The following MARK3 variants were observed in gnomAD, a reference collection of about 807,000 sequenced individuals.
The protein encoded by MARK3 is microtubule affinity regulating kinase 3.
A neutral mutation model predicts 90.1 loss-of-function variants in MARK3; 46 were observed. The observed-to-expected ratio is 0.51, with a 90% CI of 0.40 to 0.65. MARK3 has a LOEUF of 0.65. MARK3 is among the 30% of genes least tolerant of loss of function. The pLI is 0.00. For missense variants in MARK3, 818 were observed against 947.2 expected (o/e 0.86, Z 1.79); for synonymous variants, 321 against 332.6 (o/e 0.97, Z 0.38).
At chr14:103,450,876 GT>G (rs2093121949) in intron 4 of MARK3, among the ~76,000 whole-genome samples, 1 of 860 alleles carries the variant, frequency 1.2e-3, no homozygotes, top group Non-Finnish European at 6.9e-3. Flanking sequence ...CATTTTTAAA[GT>G]GTGTGTGTGT....
chr14:103,462,890 G>A (rs1466350769), intron 7 of MARK3, among the ~76,000 whole-genome samples: 3 of 152,072 alleles, frequency 2.0e-5, no homozygotes, highest in Non-Finnish European at 4.4e-5. Flanking sequence ...GTTTCGTATC[G>A]CACAGAGAAA....
Position 103,396,883 on chromosome 14 carries a change from C to A in MARK3, c.52-8193C>A, listed in dbSNP as rs116039764. ...TAGCAACTAGCCACATGTGGGGCTACCAAGCACTTGAAACGTGGTTAGTTT... is the reference window on the plus strand; with the variant it reads ...TAGCAACTAGCCACATGTGGGGCTAACAAGCACTTGAAACGTGGTTAGTTT... On this transcript the variant is annotated intron_variant, in intron 1 of 17. Transcript: ENST00000429436. 9.1e-4 allele frequency among the ~76,000 whole-genome samples: 139 copies of A among 152,168 alleles called. 2 individuals carry two copies. Among genetic ancestry groups the A allele is most frequent in the African/African-American group, 3.3e-3 (138 of 41,508 alleles).
intron 3 of MARK3, among the ~76,000 whole-genome samples, chr14:103,438,532 A>T (rs1346498800): frequency 6.6e-6 from 1 of 152,250 alleles, no homozygotes; most frequent in Non-Finnish European, 1.5e-5. Flanking sequence ...TGCATGTGGT[A>T]GATACCTAGT....
chr14:103,450,915 TGTATTC>T (rs2093126327), intron 4 of MARK3, among the ~76,000 whole-genome samples: 1 of 110,516 alleles, frequency 9.0e-6, no homozygotes, highest in Non-Finnish European at 1.8e-5. Context: ...TGTGTGTGTG[TGTATTC>T]TTTTTTTTTT....
rs944565676 is a variant in MARK3, at chr14:103,488,339, T to G, written c.1587-3438T>G. On this transcript the variant is annotated intron_variant, in intron 14 of 17. Coordinates refer to ENST00000429436, the MANE Select transcript of MARK3 (RefSeq NM_001128918.3). The stretch of plus-strand genomic sequence containing the variant: ...AACTTCTTCCCACACACAGCTGTGC[T>G]CAAGCAGAAGCCCTCAGGTGGTCTC... Among the ~76,000 whole-genome samples, 97 of 152,220 alleles carry G rather than the reference T, an allele frequency of 6.4e-4. 1 individual carries two copies. Among genetic ancestry groups the G allele is most frequent in the Non-Finnish European group, 4.1e-4 (28 of 68,028 alleles).
chr14:103,498,404 GTT>G, intron 15 of MARK3, 96 bp from the exon 16 acceptor site: 1 of 860,140 alleles, frequency 1.2e-6, no homozygotes, highest in South Asian at 2.4e-5. Context: ...ACCCTGCTTT[GTT>G]TTTTTTCTTT....
chr14:103,449,913 G>A (rs1179636426), intron 4 of MARK3, among the ~76,000 whole-genome samples: 1 of 151,638 alleles, frequency 6.6e-6, no homozygotes, highest in East Asian at 2.0e-4. Context: ...TTGATGTTTA[G>A]TATCAAGGAT....
intron 5 of MARK3, among the ~76,000 whole-genome samples, chr14:103,456,105 A>G (rs1179473770): frequency 1.3e-5 from 2 of 152,144 alleles, no homozygotes; most frequent in Non-Finnish European, 2.9e-5. Context: ...TGTTGTGTAA[A>G]CTGCCACCTA....
intron 3 of MARK3, among the ~76,000 whole-genome samples, chr14:103,435,799 G>A (rs2092702273): frequency 6.6e-6 from 1 of 152,124 alleles, no homozygotes; most frequent in Non-Finnish European, 1.5e-5. Flanking sequence ...GCTCACTGCA[G>A]CCTGGAATTC....
intron 14 of MARK3, among the ~76,000 whole-genome samples, chr14:103,484,206 C>T (rs976510791): frequency 1.4e-5 from 2 of 146,680 alleles, no homozygotes; most frequent in Non-Finnish European, 3.0e-5. Context: ...GCGATGGAGT[C>T]TCGCTCTTTT....
At chr14:103,439,590 G>C (rs903258407) in intron 3 of MARK3, among the ~76,000 whole-genome samples, 11 of 151,942 alleles carry the variant, frequency 7.2e-5, no homozygotes, top group African/African-American at 2.7e-4. Context: ...TGTATTTTTA[G>C]TAGAGACCAG....
At chr14:103,447,472 C>T (rs559393475) in intron 3 of MARK3, among the ~76,000 whole-genome samples, 2 of 152,134 alleles carry the variant, frequency 1.3e-5, no homozygotes, top group Non-Finnish European at 2.9e-5. Context: ...AAGGTTTTTC[C>T]CCGCTTTTGC....
At chr14:103,386,161 T>TC in intron 1 of MARK3, 81 bp downstream of exon 1, 6 of 1,342,934 alleles carry the variant, frequency 4.5e-6, no homozygotes, top group Non-Finnish European at 6.4e-6. Flanking sequence ...AGTCGGGTGT[T>TC]CCCCCCAGCC....
chr14:103,432,934 A>T (rs907245528), intron 3 of MARK3, among the ~76,000 whole-genome samples: 1 of 152,170 alleles, frequency 6.6e-6, no homozygotes, highest in Non-Finnish European at 1.5e-5. Flanking sequence ...GGGACAGGGA[A>T]ACAGAACAAT....
Position 103,470,493 on chromosome 14 carries a change from T to C in MARK3, c.1264+2307T>C, listed in dbSNP as rs559076487. 6.6e-4 allele frequency among the ~76,000 whole-genome samples: 59 copies of C among 89,866 alleles called. No homozygotes were observed. The Middle Eastern group carries it at 0.019, about 29-fold the overall frequency. The allele number at this position is 89,866 out of a possible 152,430, so 59.0% of individuals were successfully genotyped here. A position where few individuals can be genotyped will look rare whatever the true frequency, so the allele number is the denominator to read the frequency against. On this transcript the variant is annotated intron_variant, in intron 12 of 17. Transcript: ENST00000429436. Reference sequence around the variant, plus strand: ...TTTTTGAGATGGAGTTTCACTCTTGTCACCCAGGCTGGAGTGCAATAGCGC... The same window carrying C: ...TTTTTGAGATGGAGTTTCACTCTTGCCACCCAGGCTGGAGTGCAATAGCGC...
intron 12 of MARK3, among the ~76,000 whole-genome samples, chr14:103,472,025 A>G (rs904040190): frequency 6.6e-6 from 1 of 151,900 alleles, no homozygotes; most frequent in African/African-American, 2.4e-5. Flanking sequence ...CCTGGCTAAC[A>G]TGGTGAAACC....
intron 2 of MARK3, among the ~76,000 whole-genome samples, chr14:103,423,528 A>G (rs1427002385): frequency 2.0e-5 from 3 of 151,934 alleles, no homozygotes; most frequent in Non-Finnish European, 4.4e-5. Flanking sequence ...CCCCACAATC[A>G]CTGGAATAAA....
chr14:103,417,217 GTTATACAACAAC>G (rs56773484), intron 2 of MARK3: 146,999 of 152,166 alleles, frequency 0.97, 71,176 homozygotes, highest in East Asian at 1. Context: ...CAGGAGCATT[GTTATACAACAAC>G]ATCACAATGA....
At chr14:103,478,937 ATTTCCATG>A (rs2093768377) in intron 13 of MARK3, among the ~76,000 whole-genome samples, 2 of 152,330 alleles carry the variant, frequency 1.3e-5, no homozygotes, top group African/African-American at 4.8e-5. Flanking sequence ...CATTTATATT[ATTTCCATG>A]TATTGGTTAA....
Sources: gnomAD v4.1 joint callset for allele counts (sites outside exome capture counted in the v4.1 genomes callset) on GRCh38, gnomAD v4.1.1 for gene constraint, MANE v1.5 for transcripts, NCBI Gene and HGNC (gene_info 2026-07-23, HGNC 2026-07-21) for gene names.